MED12L: variants seen among roughly 807,000 people sequenced by gnomAD.
The protein encoded by MED12L is mediator complex subunit 12L, also known as mediator of RNA polymerase II transcription subunit 12-like protein.
In MED12L, 60 loss-of-function variants were observed where a neutral mutation model predicts 281.3. That is an observed-to-expected ratio of 0.21 (90% CI 0.17 to 0.26). The LOEUF (loss-of-function observed/expected upper bound fraction) is 0.26, where lower values mean the gene tolerates loss of function less well. Ranked by LOEUF, MED12L falls within the 10% of genes least tolerant of loss-of-function variation. The probability of loss-of-function intolerance (pLI) is 1.00; values close to 1 mark genes in which losing one functional copy is unlikely to be tolerated. For missense variants in MED12L, 2,146 were observed against 2,680.9 expected (o/e 0.80, Z 4.41); for synonymous variants, 974 against 987.2 (o/e 0.99, Z 0.25).
intron 16 of MED12L, among the ~76,000 whole-genome samples, chr3:151,309,114 T>TACACACAC (rs1553775101): frequency 7.2e-5 from 10 of 138,070 alleles, no homozygotes; most frequent in South Asian, 4.6e-4. Flanking sequence ...TTTCATGAAA[T>TACACACAC]ACACGCACAC....
chr3:151,355,567 C>A (rs1352887), intron 18 of MED12L, among the ~76,000 whole-genome samples: 134,156 of 152,248 alleles, frequency 0.88, 59,346 homozygotes, highest in African/African-American at 0.97. Context: ...AATACTACGA[C>A]ATTGAGAAGA....
At chr3:151,108,304 T>C (rs905597843) in intron 2 of MED12L, among the ~76,000 whole-genome samples, 3 of 152,030 alleles carry the variant, frequency 2.0e-5, no homozygotes, top group Non-Finnish European at 4.4e-5. Context: ...AGGGGAGATA[T>C]GTTTTGAGAG....
intron 16 of MED12L, among the ~76,000 whole-genome samples, chr3:151,248,584 G>C (rs1736218744): frequency 6.6e-6 from 1 of 151,942 alleles, no homozygotes; most frequent in Non-Finnish European, 1.5e-5. Context: ...CGACTGTCTG[G>C]ATAATAAGTA....
intron 8 of MED12L, among the ~76,000 whole-genome samples, chr3:151,160,640 G>T (rs1262535595): frequency 1.3e-5 from 2 of 152,180 alleles, no homozygotes; most frequent in Admixed American, 1.3e-4. Context: ...TGTTCAGTTT[G>T]TATTTCTTGA....
chr3:151,409,337 C>T lies in MED12L; in HGVS notation c.5910+5C>T. On this transcript the variant is annotated splice_donor_5th_base_variant and intron_variant, in intron 40 of 44. Transcript: ENST00000687756. ...CCAGGGCTGCAGCAAGCACAGGTAC[C>T]CACATTTGCTTTGTAGGTACTGACA... The T allele has an allele frequency of 6.2e-7, 1 of 1,613,702 alleles. No individual in the cohort carries two copies. Among genetic ancestry groups the T allele is most frequent in the Middle Eastern group, 1.7e-4 (1 of 5,938 alleles).
intron 16 of MED12L, among the ~76,000 whole-genome samples, chr3:151,279,619 G>A (rs1475035349): frequency 1.3e-5 from 2 of 152,130 alleles, no homozygotes; most frequent in Admixed American, 6.5e-5. Flanking sequence ...TTTGATTGAG[G>A]GGCTAAGAAT....
In MED12L at chr3:151,325,390, C is replaced by T. The variant is rs530759832; in HGVS notation, c.2251-24669C>T. ...TTGACAAAAGCCTTTGTATTCTGAG[C>T]TCACATATTCTATCAGTCCAAAGCT... On this transcript the variant is annotated intron_variant, in intron 16 of 44. Transcript: ENST00000687756. Among the ~76,000 whole-genome samples the T allele has an allele frequency of 1.4e-4, 22 of 152,262 alleles. No individual in the cohort carries two copies. In the South Asian group the frequency reaches 3.3e-3, roughly 23 times the overall value.
chr3:151,284,285 TG>T (rs1446588391), intron 16 of MED12L, among the ~76,000 whole-genome samples: 32 of 152,022 alleles, frequency 2.1e-4, no homozygotes, highest in African/African-American at 7.7e-4. Context: ...GAGTTTTGTT[TG>T]TTTTTTTTTT....
intron 27 of MED12L, among the ~76,000 whole-genome samples, chr3:151,374,856 C>A (rs9865547): frequency 0.12 from 17,654 of 152,028 alleles, 1,320 homozygotes; most frequent in Middle Eastern, 0.18. Flanking sequence ...CCTCCCATAT[C>A]CCTCTTACCA....
chr3:151,135,511 G>A (rs1449356876), intron 5 of MED12L, among the ~76,000 whole-genome samples: 20 of 152,322 alleles, frequency 1.3e-4, no homozygotes, highest in Admixed American at 1.2e-3. Context: ...ACCTTGCAAT[G>A]TAGGTTTCAT....
chr3:151,328,646 A>G (rs1749968030), intron 16 of MED12L: 4 of 1,613,996 alleles, frequency 2.5e-6, no homozygotes, highest in Non-Finnish European at 2.5e-6. Context: ...GTCAAAGGCT[A>G]TGAGCCCTAA....
intron 16 of MED12L, among the ~76,000 whole-genome samples, chr3:151,265,449 T>C (rs564957759): frequency 1.3e-5 from 2 of 152,336 alleles, no homozygotes; most frequent in South Asian, 4.1e-4. Flanking sequence ...TTTACTCTTA[T>C]ATTTGTGTCT....
intron 16 of MED12L, among the ~76,000 whole-genome samples, chr3:151,223,373 A>C (rs1729798416): frequency 6.6e-6 from 1 of 152,218 alleles, no homozygotes; most frequent in African/African-American, 2.4e-5. Flanking sequence ...TTGTTTTACC[A>C]AAAAGACACC....
chr3:151,157,532 T>A lies in MED12L; in HGVS notation c.727-1157T>A, dbSNP rs184352360. On this transcript the variant is annotated intron_variant, in intron 6 of 44. Coordinates refer to ENST00000687756, the MANE Select transcript of MED12L (RefSeq NM_001393769.1). ...CCATTTTGTCTCTTTTTTAAAAAAA[T>A]TTTAATTAATTTTTAAATTGACAAA... 6.2e-3 allele frequency among the ~76,000 whole-genome samples: 951 copies of A among 152,220 alleles called. 13 individuals carry two copies. Among genetic ancestry groups the A allele is most frequent in the Non-Finnish European group, 6.3e-3 (429 of 67,986 alleles).
intron 43 of MED12L, among the ~76,000 whole-genome samples, chr3:151,422,372 T>C (rs1046505024): frequency 5.3e-5 from 8 of 152,186 alleles, no homozygotes; most frequent in African/African-American, 1.9e-4. Context: ...GTTGGTTCCC[T>C]CTGAGGGCTG....
At chr3:151,225,593 C>T (rs7649855) in intron 16 of MED12L, among the ~76,000 whole-genome samples, 1 of 152,014 alleles carries the variant, frequency 6.6e-6, no homozygotes, top group Non-Finnish European at 1.5e-5. Flanking sequence ...AATTTTGAAA[C>T]GGACACTCAA....
chr3:151,311,643 C>A lies in MED12L; in HGVS notation c.2251-38416C>A, dbSNP rs955230804. ...GACAACTAGAATACAATTGTAGCTG[C>A]GATTATTTAAGGATTGCATATTACT... On this transcript the variant is annotated intron_variant, in intron 16 of 44. Transcript: ENST00000687756. Among the ~76,000 whole-genome samples, 4 of 152,126 alleles carry A rather than the reference C, an allele frequency of 2.6e-5. No individual in the cohort carries two copies. The East Asian group carries it at 7.7e-4, about 29-fold the overall frequency.
chr3:151,382,522 T>A, intron 32 of MED12L, 134 bp from the exon 33 acceptor site: 1 of 541,828 alleles, frequency 1.8e-6, no homozygotes, highest in Non-Finnish European at 3.2e-6. Context: ...AGAAGAAAGC[T>A]AAAATTTTAT....
chr3:151,381,971 G>GT (rs1173825717), intron 32 of MED12L, among the ~76,000 whole-genome samples: 3 of 152,108 alleles, frequency 2.0e-5, no homozygotes, highest in Non-Finnish European at 4.4e-5. Context: ...TTTGTTAGTG[G>GT]TTTTTTGTTT....
Sources: gnomAD v4.1 joint callset for allele counts (sites outside exome capture counted in the v4.1 genomes callset) on GRCh38, gnomAD v4.1.1 for gene constraint, MANE v1.5 for transcripts, NCBI Gene and HGNC (gene_info 2026-07-23, HGNC 2026-07-21) for gene names.